Variants in CEBPZOS observed in about 807,000 individuals in gnomAD.
CEBPZOS encodes the protein protein CEBPZOS.
A neutral mutation model predicts 4.8 loss-of-function variants in CEBPZOS; 10 were observed. That is an observed-to-expected ratio of 2.07 (90% CI 1.28 to 3.52). The LOEUF (loss-of-function observed/expected upper bound fraction) is 3.52. Ranked by LOEUF, CEBPZOS falls within the 30% of genes most tolerant of loss-of-function variation. The probability of loss-of-function intolerance (pLI) is 0.00; values close to 1 mark genes in which losing one functional copy is unlikely to be tolerated. For missense variants in CEBPZOS, 98 were observed against 43.6 expected (o/e 2.25, Z -3.51); for synonymous variants, 25 against 14.2 (o/e 1.77, Z -1.72).
intron 2 of CEBPZOS, 101 bp downstream of exon 2, chr2:37,199,920 T>C: frequency 1.6e-6 from 1 of 638,966 alleles, no homozygotes; most frequent in South Asian, 1.8e-5. Context: ...AATTGGTTCT[T>C]CAGATTCAAG....
chr2:37,202,717 C>CCTAT lies in CEBPZOS; in HGVS notation c.*860_*863dup, dbSNP rs1403552051. On this transcript the variant is annotated 3_prime_UTR_variant, in exon 5 of 5. Coordinates refer to ENST00000402297, the MANE Select transcript of CEBPZOS (RefSeq NM_001322374.2). ...AGAATAAATAAAATAACGAAAATTTCCTATCTTCTGAAGTTCCAAGCCAAA... is the reference window on the plus strand; with the variant it reads ...AGAATAAATAAAATAACGAAAATTTCCTATCTATCTTCTGAAGTTCCAAGCCAAA... 1.5e-5 allele frequency: 8 copies of CCTAT among 550,078 alleles called. No homozygotes were observed. Among genetic ancestry groups the CCTAT allele is most frequent in the Admixed American group, 6.9e-5 (2 of 28,840 alleles). 34.1% of individuals were successfully genotyped at this position (550,078 alleles called of 1,614,324 possible).
Position 37,201,921 on chromosome 2 carries a change from A to G in CEBPZOS, c.*61A>G. 1 of 1,610,596 alleles carries G rather than the reference A, an allele frequency of 6.2e-7. No homozygotes were observed. ...TTTGAGACCTTTGAGAGAAGAAGAA[A>G]AGATGAGTGTACTACCACACTGTAG... On this transcript the variant is annotated 3_prime_UTR_variant, in exon 5 of 5. Coordinates refer to ENST00000402297, the MANE Select transcript of CEBPZOS (RefSeq NM_001322374.2).
downstream of CEBPZOS, chr2:37,213,844 G>A (rs1388872963): frequency 1.3e-6 from 2 of 1,516,446 alleles, no homozygotes; most frequent in Non-Finnish European, 1.8e-6. Context: ...ATTTTACAAA[G>A]AGTCAACAAA....
rs1464927432 is a variant in CEBPZOS at position 37,203,322 on chromosome 2, T to C, written c.*1462T>C. On this transcript the variant is annotated 3_prime_UTR_variant, in exon 5 of 5. Transcript: ENST00000402297. Reference sequence around the variant, plus strand: ...TCAAGCAATAGTAAAATTATCAGTTTGACATGGATGGGTTTTGAAATACTT... The same window carrying C: ...TCAAGCAATAGTAAAATTATCAGTTCGACATGGATGGGTTTTGAAATACTT... 5.6e-6 allele frequency: 1 copy of C among 179,548 alleles called. No individual in the cohort carries two copies. Among genetic ancestry groups the C allele is most frequent in the African/African-American group, 2.3e-5 (1 of 42,614 alleles). 11.1% of individuals were successfully genotyped at this position (179,548 alleles called of 1,614,324 possible).
At chr2:37,209,195 AT>A (rs1181288034), downstream of CEBPZOS, 2 of 152,196 alleles carry the variant, frequency 1.3e-5, no homozygotes, top group Non-Finnish European at 2.9e-5. Flanking sequence ...GGTAGAATCG[AT>A]ATTGTGAAAA....
chr2:37,201,783 G>GT (rs148813970), intron 4 of CEBPZOS, 57 bp downstream of exon 4: 1 of 1,485,110 alleles, frequency 6.7e-7, no homozygotes, highest in Non-Finnish European at 9.4e-7. Flanking sequence ...TTGTTTTTTA[G>GT]TTTTTTGAGT....
At position 37,203,860 on chromosome 2, in the gene CEBPZOS, T is replaced by C. The variant is rs1245216077; in HGVS notation, c.*2000T>C. ...GCATAACGTTTTTGAGGCTCATCCA[T>C]GTTGTAGTACTCCATGCCATGTTGT... On this transcript the variant is annotated 3_prime_UTR_variant, in exon 5 of 5. Coordinates refer to ENST00000402297, the MANE Select transcript of CEBPZOS (RefSeq NM_001322374.2). 8 of 152,356 alleles carry C rather than the reference T, an allele frequency of 5.3e-5. No homozygotes were observed. The highest frequency in any genetic ancestry group is 5.2e-4 in the Admixed American group (8 of 15,302). The allele number at this position is 152,356 out of a possible 1,614,324, so 9.4% of individuals were successfully genotyped here.
At chr2:37,206,187 C>A (rs140884543), downstream of CEBPZOS, among the ~76,000 whole-genome samples, 1 of 152,196 alleles carries the variant, frequency 6.6e-6, no homozygotes, top group African/African-American at 2.4e-5. Flanking sequence ...ACAGGACTAA[C>A]GTGCAGCTCC....
intron 4 of CEBPZOS, chr2:37,212,120 C>G: frequency 8.2e-7 from 1 of 1,224,952 alleles, no homozygotes; most frequent in Non-Finnish European, 1.1e-6. Flanking sequence ...GGGCAGTAGG[C>G]TATTAAATGA....
chr2:37,208,718 CCT>C (rs1327888524), downstream of CEBPZOS, among the ~76,000 whole-genome samples: 2 of 151,986 alleles, frequency 1.3e-5, no homozygotes, highest in African/African-American at 4.8e-5. Flanking sequence ...AAGCATTCCC[CCT>C]GAGAACTGGA....
downstream of CEBPZOS, chr2:37,213,858 A>G (rs1378250488): frequency 4.4e-6 from 7 of 1,586,074 alleles, no homozygotes. Context: ...CAACAAAACA[A>G]ATTACCAATC....
chr2:37,212,326 G>A (rs997236083), intron 4 of CEBPZOS: 1 of 1,610,738 alleles, frequency 6.2e-7, no homozygotes. Flanking sequence ...GAAGATAGAA[G>A]TATGTTACCC....
rs536915513 is a variant in CEBPZOS, at chr2:37,199,810, A to G, written c.106A>G (p.Thr36Ala). Residue 36 changes from threonine (T) to alanine (A), a missense_variant, in exon 2 of 5, where the codon ACA (threonine) becomes GCA (alanine). Thr to Ala is a moderately conservative substitution (Grantham distance 58). Coordinates refer to ENST00000402297, the MANE Select transcript of CEBPZOS (RefSeq NM_001322374.2). ...ATATTTTTTGTTTAGCAAGATGCAC[A>G]CAAGCCAAGGTAATCATAATTCAGA... ...GAYFLFSKMH[T>A]SQDFRQTMSK... The G allele has an allele frequency of 8.4e-6, 6 of 717,762 alleles. No homozygotes were observed. Among genetic ancestry groups the G allele is most frequent in the South Asian group, 4.4e-5 (3 of 67,602 alleles). 44.5% of individuals were successfully genotyped at this position (717,762 alleles called of 1,614,324 possible).
In CEBPZOS at chr2:37,201,918, G is replaced by A; in HGVS notation, c.*58G>A. 1 of 1,610,442 alleles carries A rather than the reference G, an allele frequency of 6.2e-7. No individual in the cohort carries two copies. Among genetic ancestry groups the A allele is most frequent in the Admixed American group, 1.7e-5 (1 of 59,160 alleles). On this transcript the variant is annotated 3_prime_UTR_variant, in exon 5 of 5. Coordinates refer to ENST00000402297, the MANE Select transcript of CEBPZOS (RefSeq NM_001322374.2). ...CTGTTTGAGACCTTTGAGAGAAGAA[G>A]AAAAGATGAGTGTACTACCACACTG...
At chr2:37,212,501 T>C in intron 4 of CEBPZOS, 4 of 902,818 alleles carry the variant, frequency 4.4e-6, no homozygotes, top group Non-Finnish European at 7.1e-6. Context: ...TTATGACAAG[T>C]GAACACCAAA....
chr2:37,203,055 T>C lies in CEBPZOS; in HGVS notation c.*1195T>C. On this transcript the variant is annotated 3_prime_UTR_variant, in exon 5 of 5. Transcript: ENST00000402297. ...CATTATTCAATTATAAATCTAATGA[T>C]TTTAGAAAAATGCAATGCAACATGA... 2 of 1,298,350 alleles carry C rather than the reference T, an allele frequency of 1.5e-6. No homozygotes were observed. The highest frequency in any genetic ancestry group is 2.5e-5 in the East Asian group (1 of 40,386). 80.4% of individuals were successfully genotyped at this position (1,298,350 alleles called of 1,614,324 possible). A position where few individuals can be genotyped will look rare whatever the true frequency, so the allele number is the denominator to read the frequency against.
downstream of CEBPZOS, among the ~76,000 whole-genome samples, chr2:37,207,433 A>G (rs1677577154): frequency 6.6e-6 from 1 of 152,208 alleles, no homozygotes; most frequent in Non-Finnish European, 1.5e-5. Context: ...ACTTAAGAAA[A>G]CTGAAATTGT....
At chr2:37,210,911 C>A in intron 4 of CEBPZOS, 9 of 626,514 alleles carry the variant, frequency 1.4e-5, no homozygotes, top group East Asian at 4.2e-5. Context: ...TTTTATTAAT[C>A]AAATTTAGGA....
At chr2:37,211,591 G>A (rs1677722004) in intron 4 of CEBPZOS, 2 of 431,060 alleles carry the variant, frequency 4.6e-6, no homozygotes, top group Non-Finnish European at 8.2e-6. Flanking sequence ...AACATGTATT[G>A]TACAGAGAAG....
Sources: gnomAD v4.1 joint callset for allele counts (sites outside exome capture counted in the v4.1 genomes callset) on GRCh38, gnomAD v4.1.1 for gene constraint, MANE v1.5 for transcripts, NCBI Gene and HGNC (gene_info 2026-07-23, HGNC 2026-07-21) for gene names.